The following POLI variants were observed in gnomAD, a reference collection of about 807,000 sequenced individuals.
POLI encodes DNA polymerase iota.
Under a neutral mutation model 51.6 loss-of-function variants are expected in POLI, and 58 were observed. The ratio of observed to expected loss-of-function variants is 1.12; its 90% CI spans 0.91 to 1.40. POLI has a LOEUF of 1.40. Ranked by LOEUF, POLI falls within the 40% of genes most tolerant of loss-of-function variation. The pLI, the probability that POLI is intolerant of heterozygous loss-of-function variation, is 0.00. For synonymous variants in POLI, 322 were observed against 299.7 expected (o/e 1.07, Z -0.77); for missense variants, 921 against 871.3 (o/e 1.06, Z -0.72).
At position 54,294,535 on chromosome 18, in the gene POLI, C is replaced by T. The variant is rs1338586840; in HGVS notation, c.*68C>T. ...ATTTTCGGATTAGCGGTTTATTAAG[C>T]TCTTCTATATTAAACACTAATAGAT... On this transcript the variant is annotated 3_prime_UTR_variant, in exon 10 of 10. Transcript: ENST00000579534. 1 of 1,483,080 alleles carries T rather than the reference C, an allele frequency of 6.7e-7. No homozygotes were observed. Among genetic ancestry groups the T allele is most frequent in the African/African-American group, 1.4e-5 (1 of 70,950 alleles). 91.9% of individuals were successfully genotyped at this position (1,483,080 alleles called of 1,614,324 possible).
chr18:54,292,079 T>C, intron 9 of POLI, 41 bp downstream of exon 9: 2 of 1,055,722 alleles, frequency 1.9e-6, no homozygotes, highest in Non-Finnish European at 2.8e-6. Flanking sequence ...AAGTATACTC[T>C]TATGGGATTT....
intron 3 of POLI, chr18:54,311,226 G>C: frequency 3.2e-6 from 1 of 315,046 alleles, no homozygotes; most frequent in Non-Finnish European, 4.6e-6. Context: ...TGTTGCCTCT[G>C]TTGTTGATGC....
At position 54,274,010 on chromosome 18, in the gene POLI, CA is replaced by C. The variant is rs1396300913; in HGVS notation, c.330del (p.Glu111LysfsTer8). On this transcript the variant is annotated frameshift_variant, in exon 3 of 10. Coordinates refer to ENST00000579534, the MANE Select transcript of POLI (RefSeq NM_007195.3). LOFTEE classifies it high-confidence loss of function. ...AAGAAACTTATGAATGTCAGAGATG[CA>C]AAAGAAAAGTGTCCACAGTTGGTAT... is the stretch of plus-strand genomic sequence containing the variant. ...GVKKLMNVRD[A>X]KEKCPQLVLV... 6.3e-7 allele frequency: 1 copy of C among 1,583,012 alleles called. No individual in the cohort carries two copies. The highest frequency in any genetic ancestry group is 1.8e-5 in the Admixed American group (1 of 56,768).
At position 54,280,683 on chromosome 18, in the gene POLI, C is replaced by T. The variant is rs949762021; in HGVS notation, c.576C>T (p.Asp192=). The T allele has an allele frequency of 2.7e-5, 44 of 1,610,190 alleles. No homozygotes were observed. The highest frequency in any genetic ancestry group is 4.0e-5 in the African/African-American group (3 of 74,854). ...VYNNQSINLL[D]VLHIRLLVGS... ...TTTTTAAAGCTATAAACCTGCTTGA[C>T]GTCTTGCACATCAGACTACTTGTTG... Residue 192 remains aspartate (D), a synonymous_variant, in exon 5 of 10, where the codon GAC becomes GAT. Transcript: ENST00000579534.
At chr18:54,271,744 T>C (rs1386659783) in intron 2 of POLI, among the ~76,000 whole-genome samples, 1 of 152,208 alleles carries the variant, frequency 6.6e-6, no homozygotes, top group Non-Finnish European at 1.5e-5. Context: ...TCTGTGCTGG[T>C]TAGTAGCTTA....
At chr18:54,281,115 C>G (rs1175864832) in intron 5 of POLI, among the ~76,000 whole-genome samples, 5 of 152,008 alleles carry the variant, frequency 3.3e-5, no homozygotes, top group Non-Finnish European at 5.9e-5. Context: ...TGTGAAGGTA[C>G]TTTTCTTATT....
Position 54,287,285 on chromosome 18 carries a change from T to C in POLI, c.1072T>C (p.Cys358Arg). The change falls in exon 8 of 10, where the codon TGC becomes CGC. Residue 358 changes from cysteine (C) to arginine (R), a missense_variant. Cys to Arg is a radical substitution (Grantham distance 180). Transcript: ENST00000579534. The stretch of plus-strand genomic sequence containing the variant: ...CCACTTTCTCTTTATTTTTAGAGTA[T>C]GCCAAGATGGAAGGAAGCCTCATAC... Reference protein sequence around the residue: ...ELLASLLNRVCQDGRKPHTVR... With the variant: ...ELLASLLNRVRQDGRKPHTVR... 6.4e-7 allele frequency: 1 copy of C among 1,562,370 alleles called. No homozygotes were observed. Among genetic ancestry groups the C allele is most frequent in the Non-Finnish European group, 8.7e-7 (1 of 1,146,058 alleles).
rs942832654 is a variant in POLI, at chr18:54,295,884, C to T, written c.*1417C>T. ...CTCAGGTGATCCTCCACCTTGGCCTCCCAAAGTGCTGGGATTACAGGTGTG... is the reference window on the plus strand; with the variant it reads ...CTCAGGTGATCCTCCACCTTGGCCTTCCAAAGTGCTGGGATTACAGGTGTG... On this transcript the variant is annotated 3_prime_UTR_variant, in exon 10 of 10. Transcript: ENST00000579534. 1.1e-6 allele frequency: 1 copy of T among 870,914 alleles called. No individual in the cohort carries two copies. The highest frequency in any genetic ancestry group is 1.4e-6 in the Non-Finnish European group (1 of 725,558). The allele number at this position is 870,914 out of a possible 1,614,324, so 53.9% of individuals were successfully genotyped here.
At chr18:54,302,099 A>G (rs1173918199), downstream of POLI, among the ~76,000 whole-genome samples, 1 of 152,194 alleles carries the variant, frequency 6.6e-6, no homozygotes, top group Non-Finnish European at 1.5e-5. Context: ...TGATCTGGCT[A>G]GGCCATTGTT....
chr18:54,292,189 A>G (rs1044384006), intron 9 of POLI, among the ~76,000 whole-genome samples, 151 bp downstream of exon 9: 2 of 152,172 alleles, frequency 1.3e-5, no homozygotes, highest in African/African-American at 4.8e-5. Context: ...TATAATACCT[A>G]TCTTATGGTT....
chr18:54,279,153 T>C (rs962645481), intron 4 of POLI, among the ~76,000 whole-genome samples: 3 of 152,224 alleles, frequency 2.0e-5, no homozygotes, highest in Non-Finnish European at 4.4e-5. Flanking sequence ...GATTAATTCT[T>C]CCTCTTTCAT....
At chr18:54,307,640 G>A (rs1473478517) in intron 3 of POLI, among the ~76,000 whole-genome samples, 1 of 152,170 alleles carries the variant, frequency 6.6e-6, no homozygotes, top group Non-Finnish European at 1.5e-5. Flanking sequence ...GGATATCCTT[G>A]TTAACCTTCT....
intron 3 of POLI, among the ~76,000 whole-genome samples, chr18:54,303,392 AT>A (rs2088526015): frequency 6.6e-6 from 1 of 152,182 alleles, no homozygotes; most frequent in African/African-American, 2.4e-5. Context: ...GTCATGTTTT[AT>A]TTTAATTACT....
intron 3 of POLI, among the ~76,000 whole-genome samples, chr18:54,316,534 C>A (rs664501): frequency 0.76 from 115,085 of 152,096 alleles, 44,457 homozygotes; most frequent in African/African-American, 0.93. Context: ...TTTTTGAGTC[C>A]ACAGAATAAA....
At chr18:54,282,718 G>T in intron 5 of POLI, 119 bp from the exon 6 acceptor site, 1 of 610,032 alleles carries the variant, frequency 1.6e-6, no homozygotes, top group South Asian at 2.5e-5. Flanking sequence ...TGGATAAGGG[G>T]GGACTACTGT....
chr18:54,314,295 A>C (rs1210023522), intron 3 of POLI, among the ~76,000 whole-genome samples: 1 of 151,918 alleles, frequency 6.6e-6, no homozygotes. Context: ...TATATGTTGA[A>C]CCAACCTTGC....
intron 6 of POLI, 149 bp downstream of exon 6, chr18:54,283,164 TGG>T: frequency 5.8e-6 from 3 of 520,392 alleles, no homozygotes; most frequent in Non-Finnish European, 1.0e-5. Context: ...ATTAATAGAT[TGG>T]ATTAATAAGT....
intron 7 of POLI, among the ~76,000 whole-genome samples, chr18:54,286,805 G>T (rs991369999): frequency 6.6e-6 from 1 of 152,060 alleles, no homozygotes; most frequent in African/African-American, 2.4e-5. Flanking sequence ...TTAGCCAGGT[G>T]TGGTCACACA....
At chr18:54,286,282 A>G (rs964860641) in intron 7 of POLI, among the ~76,000 whole-genome samples, 1 of 152,172 alleles carries the variant, frequency 6.6e-6, no homozygotes, top group African/African-American at 2.4e-5. Flanking sequence ...AAAAAGGGAA[A>G]TGTTATCCTT....
Sources: allele counts gnomAD v4.1 joint callset (sites outside exome capture counted in the v4.1 genomes callset), GRCh38; gene constraint gnomAD v4.1.1; transcripts MANE v1.5; gene names NCBI Gene and HGNC (gene_info 2026-07-23, HGNC 2026-07-21).